Variants in KCTD1 observed in about 807,000 individuals in gnomAD.
KCTD1 encodes the protein potassium channel tetramerization domain containing 1.
In KCTD1, 24 loss-of-function variants were observed where a neutral mutation model predicts 66.0. That is an observed-to-expected ratio of 0.36 (90% CI 0.26 to 0.51). The LOEUF (loss-of-function observed/expected upper bound fraction) is 0.51. Ranked by LOEUF, KCTD1 falls within the 20% of genes least tolerant of loss-of-function variation. KCTD1 has a pLI of 0.95. For missense variants in KCTD1, 943 were observed against 1,205.2 expected (o/e 0.78, Z 3.22); for synonymous variants, 511 against 517.2 (o/e 0.99, Z 0.16).
chr18:26,549,665 T>G, upstream of KCTD1: 3 of 969,780 alleles, frequency 3.1e-6, no homozygotes, highest in South Asian at 1.4e-4. Flanking sequence ...AAAAGCGAAC[T>G]TGTGTCTCGG....
intron 1 of KCTD1, among the ~76,000 whole-genome samples, chr18:26,561,058 A>C (rs2144876077): frequency 6.6e-6 from 1 of 152,354 alleles, no homozygotes; most frequent in East Asian, 1.9e-4. Flanking sequence ...ACAGAACACT[A>C]TCTATAGATA....
rs1979997707 is a variant in KCTD1 at position 26,455,318 on chromosome 18, A to C, written c.*425T>G. On this transcript the variant is annotated 3_prime_UTR_variant, in exon 5 of 5. Coordinates refer to ENST00000580059, the MANE Select transcript of KCTD1 (RefSeq NM_001142730.3). ...TTGTTTGTTTTGTTTTTTTAAAAAA[A>C]AAGGAAAAAGAAAGACAAAGGAAAA... The C allele has an allele frequency of 1.3e-5, 2 of 153,026 alleles. No homozygotes were observed. Among genetic ancestry groups the C allele is most frequent in the Admixed American group, 6.5e-5 (1 of 15,308 alleles). The allele number at this position is 153,026 out of a possible 1,614,324, so 9.5% of individuals were successfully genotyped here. A position where few individuals can be genotyped will look rare whatever the true frequency, so the allele number is the denominator to read the frequency against.
chr18:26,487,658 G>A (rs1981985150), intron 2 of KCTD1, among the ~76,000 whole-genome samples: 1 of 152,250 alleles, frequency 6.6e-6, no homozygotes, highest in Non-Finnish European at 1.5e-5. Context: ...GCCCTTGGGT[G>A]CACTGTGGCC....
chr18:26,471,400 C>T (rs1251257556), intron 3 of KCTD1, among the ~76,000 whole-genome samples: 1 of 151,960 alleles, frequency 6.6e-6, no homozygotes, highest in Non-Finnish European at 1.5e-5. Context: ...TGTGTGGGAC[C>T]TCAGTAAGAC....
In KCTD1 at chr18:26,509,750, T is replaced by C. The variant is rs911538722; in HGVS notation, c.1810-8500A>G. ...GACAATTTTCAAAACCCCATATAGCTGGAAAAGTCACATATACAGGGCACC... is the reference window on the plus strand; with the variant it reads ...GACAATTTTCAAAACCCCATATAGCCGGAAAAGTCACATATACAGGGCACC... On this transcript the variant is annotated intron_variant, in intron 1 of 4. Coordinates refer to ENST00000580059, the MANE Select transcript of KCTD1 (RefSeq NM_001142730.3). 3.3e-5 allele frequency among the ~76,000 whole-genome samples: 5 copies of C among 152,142 alleles called. 1 individual carries two copies. The South Asian group carries it at 1.0e-3, about 31-fold the overall frequency.
At chr18:26,491,211 T>A (rs1046467950) in intron 2 of KCTD1, among the ~76,000 whole-genome samples, 2 of 152,028 alleles carry the variant, frequency 1.3e-5, no homozygotes, top group African/African-American at 4.8e-5. Context: ...GGTCTACTGT[T>A]CCAGCAGCAA....
rs540064520 is a variant in KCTD1, at chr18:26,656,738, G to A, written c.9+622C>T. ...GCGGCGGGGCCCCTACCCCCGGCAG[G>A]AGCGCAGCCCCGGGCGCCGCCGCCC... On this transcript the variant is annotated intron_variant, in intron 1 of 4. Transcript: ENST00000580191. Among the ~76,000 whole-genome samples, 238 of 151,458 alleles carry A rather than the reference G, an allele frequency of 1.6e-3. 1 individual carries two copies. The highest frequency in any genetic ancestry group is 5.2e-3 in the African/African-American group (214 of 41,428).
chr18:26,465,176 C>T (rs972214722), intron 3 of KCTD1, among the ~76,000 whole-genome samples: 3 of 152,164 alleles, frequency 2.0e-5, no homozygotes, highest in African/African-American at 7.2e-5. Context: ...CTCTGCCTCC[C>T]AGGTTCAAGA....
chr18:26,629,187 T>A (rs1987565968), exon 1 of KCTD1: 3 of 985,214 alleles, frequency 3.0e-6, no homozygotes, highest in South Asian at 4.7e-5. Context: ...GCACCCTCCG[T>A]CCCAGTTGGT....
At chr18:26,506,025 G>A (rs1184229127) in intron 1 of KCTD1, among the ~76,000 whole-genome samples, 2 of 151,290 alleles carry the variant, frequency 1.3e-5, no homozygotes, top group African/African-American at 2.4e-5. Flanking sequence ...GCAGGTGTGC[G>A]CCACCACCCC....
chr18:26,483,940 A>T (rs1981783285), intron 2 of KCTD1, among the ~76,000 whole-genome samples: 1 of 152,204 alleles, frequency 6.6e-6, no homozygotes, highest in Admixed American at 6.5e-5. Flanking sequence ...ATGCTAGGTT[A>T]ATATATGAAA....
chr18:26,489,577 A>C (rs1051662306), intron 2 of KCTD1, among the ~76,000 whole-genome samples: 35 of 152,168 alleles, frequency 2.3e-4, no homozygotes, highest in African/African-American at 8.4e-4. Flanking sequence ...ATTTAAATGA[A>C]AATTATAACA....
chr18:26,543,026 T>C (rs1353275963), intron 1 of KCTD1: 2 of 152,138 alleles, frequency 1.3e-5, no homozygotes, highest in African/African-American at 2.4e-5. Flanking sequence ...GAAGCCAAAA[T>C]TTTGCCAATG....
At chr18:26,611,913 G>A (rs930270984) in intron 1 of KCTD1, among the ~76,000 whole-genome samples, 1 of 152,158 alleles carries the variant, frequency 6.6e-6, no homozygotes, top group South Asian at 2.1e-4. Flanking sequence ...TTGCTTTTAA[G>A]ATTTGTTAGG....
At chr18:26,574,202 G>A (rs2144903934) in intron 1 of KCTD1, among the ~76,000 whole-genome samples, 2 of 152,270 alleles carry the variant, frequency 1.3e-5, no homozygotes, top group South Asian at 2.1e-4. Context: ...CTAATTAGCT[G>A]AAAACCAAAT....
intron 1 of KCTD1, among the ~76,000 whole-genome samples, chr18:26,539,636 C>G (rs1315461107): frequency 1.3e-5 from 2 of 152,298 alleles, no homozygotes; most frequent in Middle Eastern, 3.4e-3. Flanking sequence ...ATGGGAGCCT[C>G]GTGCCTTATG....
At chr18:26,462,776 T>G (rs1342397376) in intron 3 of KCTD1, among the ~76,000 whole-genome samples, 1 of 152,172 alleles carries the variant, frequency 6.6e-6, no homozygotes, top group South Asian at 2.1e-4. Flanking sequence ...TTAAATGGGA[T>G]CATTTAACTT....
chr18:26,556,863 A>C (rs6508448), intron 1 of KCTD1, among the ~76,000 whole-genome samples: 99,024 of 152,074 alleles, frequency 0.65, 32,826 homozygotes, highest in African/African-American at 0.78. Context: ...TGCCTAGAGA[A>C]AACCACCCAA....
chr18:26,507,029 G>A (rs1056005473), intron 1 of KCTD1, among the ~76,000 whole-genome samples: 2 of 152,146 alleles, frequency 1.3e-5, no homozygotes, highest in African/African-American at 2.4e-5. Flanking sequence ...AGCCAGGTGT[G>A]GTGGCAGGTG....
Sources: allele counts gnomAD v4.1 joint callset (sites outside exome capture counted in the v4.1 genomes callset), GRCh38; gene constraint gnomAD v4.1.1; transcripts MANE v1.5; gene names NCBI Gene and HGNC (gene_info 2026-07-23, HGNC 2026-07-21).